The following IL3RA variants were observed in gnomAD, a reference collection of about 807,000 sequenced individuals.
IL3RA encodes interleukin 3 receptor subunit alpha.
A neutral mutation model predicts 52.3 loss-of-function variants in IL3RA; 73 were observed. The observed-to-expected ratio is 1.40, with a 90% CI of 1.16 to 1.70. The LOEUF is 1.70. IL3RA is among the 40% of genes most tolerant of loss of function. The pLI is 0.00. For missense variants in IL3RA, 664 were observed against 504.4 expected (o/e 1.32, Z -3.03); for synonymous variants, 260 against 194.0 (o/e 1.34, Z -2.83).
chrX:1,356,183 G>T (rs2086689772), intron 6 of IL3RA, 38 bp from the exon 7 acceptor site: 1 of 1,194,308 alleles, frequency 8.4e-7, no homozygotes, highest in South Asian at 1.3e-5. Flanking sequence ...TTGATTTCTT[G>T]TACTCCTAAA....
intron 8 of IL3RA, 50 bp from the exon 9 acceptor site, chrX:1,365,088 C>T (rs373562695): frequency 1.6e-5 from 22 of 1,401,946 alleles, no homozygotes; most frequent in Middle Eastern, 1.8e-4. Flanking sequence ...AGGTGAGAGT[C>T]ATGAGCCACC....
chrX:1,355,113 GA>G (rs2086569344), intron 6 of IL3RA, among the ~76,000 whole-genome samples: 1 of 46,012 alleles, frequency 2.2e-5, no homozygotes, highest in Non-Finnish European at 4.0e-5. Flanking sequence ...AGCGGGAGGA[GA>G]GGAGGAGGAG....
intron 6 of IL3RA, among the ~76,000 whole-genome samples, chrX:1,354,469 G>A (rs1157339416): frequency 3.5e-5 from 5 of 143,234 alleles, no homozygotes; most frequent in Non-Finnish European, 7.4e-5. Context: ...AGAAGAGAAG[G>A]GAGGAGAGGA....
chrX:1,349,225 A>C (rs2085965811), intron 4 of IL3RA, among the ~76,000 whole-genome samples: 1 of 147,466 alleles, frequency 6.8e-6, no homozygotes, highest in African/African-American at 2.5e-5. Context: ...TCTGTCCACC[A>C]GGCTGGAGTG....
In IL3RA at chrX:1,378,715, G is replaced by A. The variant is rs764978859; in HGVS notation, c.931G>A (p.Ala311Thr). ...TGCCTGGCGGACGTCGCTGCTGATCGCGCTGGGGACGCTGCTGGCCCTGGT... is the reference window on the plus strand; with the variant it reads ...TGCCTGGCGGACGTCGCTGCTGATCACGCTGGGGACGCTGCTGGCCCTGGT... Reference protein sequence around the residue: ...TRAWRTSLLIALGTLLALVCV... With the variant: ...TRAWRTSLLITLGTLLALVCV... Residue 311 changes from alanine to threonine, a missense_variant, in exon 10 of 12, where the codon GCG becomes ACG. By Grantham distance (58) the Ala-to-Thr change is moderately conservative (BLOSUM62 0). Transcript: ENST00000331035. 7 of 1,612,656 alleles carry A rather than the reference G, an allele frequency of 4.3e-6. No individual in the cohort carries two copies. Among genetic ancestry groups the A allele is most frequent in the South Asian group, 1.1e-5 (1 of 91,024 alleles).
At chrX:1,338,863 G>A (rs7056493) in intron 1 of IL3RA, among the ~76,000 whole-genome samples, 31,846 of 151,784 alleles carry the variant, frequency 0.21, 3,452 homozygotes, top group Middle Eastern at 0.26. Flanking sequence ...GCAGTGGCGC[G>A]ATCTCAGCTC....
At chrX:1,381,927 TTTTTTG>T (rs1223223838) in intron 11 of IL3RA, among the ~76,000 whole-genome samples, 3 of 145,628 alleles carry the variant, frequency 2.1e-5, no homozygotes, top group Admixed American at 6.9e-5. Context: ...TCTGTCAGAG[TTTTTTG>T]TTTTGTTTTG....
At chrX:1,344,000 T>C (rs1383287977) in intron 2 of IL3RA, among the ~76,000 whole-genome samples, 21 of 151,958 alleles carry the variant, frequency 1.4e-4, no homozygotes, top group East Asian at 2.0e-4. Flanking sequence ...TTCACCGTGT[T>C]AGCCAGGATG....
chrX:1,338,888 C>T (rs1214666711), intron 1 of IL3RA, among the ~76,000 whole-genome samples: 1 of 152,128 alleles, frequency 6.6e-6, no homozygotes, highest in African/African-American at 2.4e-5. Flanking sequence ...CAACCTCCAC[C>T]TCCCGGGTTC....
chrX:1,357,043 C>T (rs1407415894), intron 7 of IL3RA, among the ~76,000 whole-genome samples: 1 of 151,706 alleles, frequency 6.6e-6, no homozygotes, highest in East Asian at 2.0e-4. Context: ...ACCTCTGCCT[C>T]CCGGGTTCAA....
Position 1,341,798 on chromosome X carries a change from C to G in IL3RA, c.33C>G (p.Ile11Met), listed in dbSNP as rs144136525. 6.2e-7 allele frequency: 1 copy of G among 1,613,928 alleles called. No individual in the cohort carries two copies. The highest frequency in any genetic ancestry group is 1.1e-5 in the South Asian group (1 of 91,072). ...TCCTTTGGCTCACGCTGCTCCTGATCGCCCTGCCCTGTCTCCTGCAAACGA... is the reference window on the plus strand; with the variant it reads ...TCCTTTGGCTCACGCTGCTCCTGATGGCCCTGCCCTGTCTCCTGCAAACGA... MVLLWLTLLL[I>M]ALPCLLQTKE... is the part of the protein sequence containing the mutation. Residue 11 changes from isoleucine (I) to methionine (M), a missense_variant, in exon 2 of 12, where the codon ATC becomes ATG. Ile to Met is a conservative substitution (Grantham distance 10). Transcript: ENST00000331035.
chrX:1,382,624 C>A lies in IL3RA; in HGVS notation c.*159C>A. The stretch of plus-strand genomic sequence containing the variant: ...GCCTGTGTAATTTCGTCCGAAGCTG[C>A]CAGGAAGAAGAACAGAACTTTGTGT... On this transcript the variant is annotated 3_prime_UTR_variant, in exon 12 of 12. Transcript: ENST00000331035. 1 of 682,364 alleles carries A rather than the reference C, an allele frequency of 1.5e-6. No individual in the cohort carries two copies. The highest frequency in any genetic ancestry group is 2.7e-6 in the Non-Finnish European group (1 of 377,338). 42.3% of individuals were successfully genotyped at this position (682,364 alleles called of 1,614,324 possible).
chrX:1,347,211 C>A (rs776245563), intron 3 of IL3RA, among the ~76,000 whole-genome samples: 1 of 151,164 alleles, frequency 6.6e-6, no homozygotes, highest in Non-Finnish European at 1.5e-5. Context: ...CTTTGGAGGC[C>A]GAGGCGGGTG....
intron 7 of IL3RA, among the ~76,000 whole-genome samples, chrX:1,357,273 G>GTATTT (rs2086806444): frequency 1.3e-5 from 2 of 151,486 alleles, no homozygotes; most frequent in South Asian, 4.2e-4. Context: ...TATTTAGTTT[G>GTATTT]TATTTTATTT....
At chrX:1,346,965 G>C (rs1328086476) in intron 3 of IL3RA, among the ~76,000 whole-genome samples, 1 of 151,054 alleles carries the variant, frequency 6.6e-6, no homozygotes, top group Non-Finnish European at 1.5e-5. Context: ...GGAGAGTAGA[G>C]ATAAAACAGT....
intron 3 of IL3RA, 120 bp from the exon 4 acceptor site, chrX:1,348,311 C>T (rs1382282028): frequency 3.7e-5 from 29 of 778,896 alleles, no homozygotes; most frequent in Admixed American, 1.3e-4. Context: ...CGAGATCACG[C>T]CACTGCACTC....
In IL3RA at chrX:1,376,609, C is replaced by G. The variant is rs1314285765; in HGVS notation, c.875-2050C>G. 1.8e-4 allele frequency among the ~76,000 whole-genome samples: 27 copies of G among 148,348 alleles called. No homozygotes were observed. In the East Asian group the frequency reaches 5.0e-3, roughly 28 times the overall value. On this transcript the variant is annotated intron_variant, in intron 9 of 11. Coordinates refer to ENST00000331035, the MANE Select transcript of IL3RA (RefSeq NM_002183.4). ...TAAGAAGAGGAGATGAGGACACAGA[C>G]ACACACGGAGGAACAACCCTGTGAG...
At chrX:1,344,210 G>C (rs1349032874) in intron 2 of IL3RA, among the ~76,000 whole-genome samples, 1 of 151,930 alleles carries the variant, frequency 6.6e-6, no homozygotes, top group Non-Finnish European at 1.5e-5. Context: ...GAGGCAGGCA[G>C]ATCATGTGAG....
At chrX:1,358,434 C>A (rs1204957864) in intron 7 of IL3RA, among the ~76,000 whole-genome samples, 2 of 151,984 alleles carry the variant, frequency 1.3e-5, no homozygotes, top group African/African-American at 2.4e-5. Flanking sequence ...CCGAGGTGGG[C>A]AGATCATGAG....
Sources: gnomAD v4.1 joint callset for allele counts (sites outside exome capture counted in the v4.1 genomes callset) on GRCh38, gnomAD v4.1.1 for gene constraint, MANE v1.5 for transcripts, NCBI Gene and HGNC (gene_info 2026-07-23, HGNC 2026-07-21) for gene names.